Variants in RGS7 observed in about 807,000 individuals in gnomAD.
RGS7 encodes regulator of G protein signaling 7.
RGS7 carries 27 observed loss-of-function variants against 81.1 expected under a neutral mutation model. The observed-to-expected ratio is 0.33, with a 90% CI of 0.25 to 0.46. RGS7 has a LOEUF of 0.46. Among genes scored for constraint, RGS7 ranks in the 20% least tolerant of loss-of-function variants. The pLI is 1.00. For synonymous variants in RGS7, 208 were observed against 207.7 expected, an observed-to-expected ratio of 1.00 and a Z score of -0.01; for missense variants, 396 against 607.4, an observed-to-expected ratio of 0.65 and a Z score of 3.66.
intron 4 of RGS7, among the ~76,000 whole-genome samples, chr1:240,968,356 T>C (rs1572042042): frequency 6.6e-6 from 1 of 152,190 alleles, no homozygotes; most frequent in Non-Finnish European, 1.5e-5. Context: ...ACAGCAGTTA[T>C]TACCCGAAAA....
Position 241,253,371 on chromosome 1 carries a change from T to C in RGS7, c.78+102328A>G, listed in dbSNP as rs556022883. Among the ~76,000 whole-genome samples, 6 of 152,286 alleles carry C rather than the reference T, an allele frequency of 3.9e-5. No homozygotes were observed. In the South Asian group the frequency reaches 1.2e-3, roughly 32 times the overall value. ...TACTGTGGGGTTTTATTCTACGTAG[T>C]TTGCTGTAAACGTGTGCCCACTTCT... On this transcript the variant is annotated intron_variant, in intron 2 of 18. Transcript: ENST00000440928.
chr1:241,037,438 AGGCCGG>A (rs1304444323), intron 3 of RGS7, among the ~76,000 whole-genome samples: 3 of 152,174 alleles, frequency 2.0e-5, no homozygotes, highest in Non-Finnish European at 4.4e-5. Context: ...CAACAAATGG[AGGCCGG>A]GCCCAGTGGC....
chr1:240,995,768 C>G (rs1687192617), intron 3 of RGS7, among the ~76,000 whole-genome samples: 1 of 148,784 alleles, frequency 6.7e-6, no homozygotes. Flanking sequence ...AAAGAACCAG[C>G]TCTTTGTTTC....
chr1:241,057,953 T>C (rs969165080), intron 3 of RGS7, among the ~76,000 whole-genome samples: 1 of 152,170 alleles, frequency 6.6e-6, no homozygotes, highest in Non-Finnish European at 1.5e-5. Flanking sequence ...TAGTCAGGCA[T>C]GAGTAGGGGA....
intron 13 of RGS7, among the ~76,000 whole-genome samples, chr1:240,812,589 T>G (rs1690061463): frequency 1.3e-5 from 2 of 151,886 alleles, no homozygotes; most frequent in African/African-American, 4.8e-5. Flanking sequence ...CACCTGCCAC[T>G]ATGCCCGGCT....
intron 2 of RGS7, among the ~76,000 whole-genome samples, chr1:241,317,784 C>G (rs1193669508): frequency 1.3e-5 from 2 of 152,182 alleles, no homozygotes; most frequent in East Asian, 3.9e-4. Context: ...GCTTCTTGGC[C>G]ACTCATCAGT....
intron 2 of RGS7, among the ~76,000 whole-genome samples, chr1:241,333,427 C>A (rs965461500): frequency 6.6e-6 from 1 of 152,132 alleles, no homozygotes; most frequent in African/African-American, 2.4e-5. Flanking sequence ...TAAGGCCAGG[C>A]GGATAAGAAG....
chr1:240,898,229 AC>A (rs1669416273), intron 6 of RGS7, among the ~76,000 whole-genome samples: 1 of 152,110 alleles, frequency 6.6e-6, no homozygotes, highest in Non-Finnish European at 1.5e-5. Context: ...TTTTCAAAAA[AC>A]CAGCTCCTGG....
chr1:241,352,633 T>A (rs1338881990), intron 2 of RGS7, among the ~76,000 whole-genome samples: 1 of 152,200 alleles, frequency 6.6e-6, no homozygotes, highest in Non-Finnish European at 1.5e-5. Context: ...TGAAGCAACA[T>A]TACCATCACC....
At chr1:240,985,087 G>A (rs750044350) in intron 3 of RGS7, among the ~76,000 whole-genome samples, 13 of 152,174 alleles carry the variant, frequency 8.5e-5, no homozygotes, top group African/African-American at 1.9e-4. Context: ...ACCGTGTCCC[G>A]GTGTTGTGTT....
chr1:240,981,926 C>T (rs574185614), intron 4 of RGS7, among the ~76,000 whole-genome samples: 219 of 152,276 alleles, frequency 1.4e-3, no homozygotes, highest in African/African-American at 4.9e-3. Context: ...CACAGCTATG[C>T]CGAGTTCCTC....
intron 2 of RGS7, among the ~76,000 whole-genome samples, chr1:241,220,830 G>C (rs977515748): frequency 6.6e-6 from 1 of 151,854 alleles, no homozygotes. Context: ...GAGCTAAGAA[G>C]TTTGAGGCCG....
chr1:241,307,006 A>G (rs1269579231), intron 2 of RGS7, among the ~76,000 whole-genome samples: 1 of 152,242 alleles, frequency 6.6e-6, no homozygotes. Flanking sequence ...AAGTACTTGC[A>G]GGCAAATCAG....
chr1:240,866,811 T>C (rs1397388852), intron 9 of RGS7, among the ~76,000 whole-genome samples: 1 of 152,154 alleles, frequency 6.6e-6, no homozygotes, highest in African/African-American at 2.4e-5. Flanking sequence ...GTGTCATCTC[T>C]GTGAGCATGA....
chr1:241,311,149 T>C (rs1159151900), intron 2 of RGS7, among the ~76,000 whole-genome samples: 24 of 152,218 alleles, frequency 1.6e-4, no homozygotes, highest in Admixed American at 1.6e-3. Context: ...ATTAAAAGTA[T>C]TGCTACTGTT....
intron 2 of RGS7, among the ~76,000 whole-genome samples, chr1:241,107,010 C>G (rs543251130): frequency 6.6e-6 from 1 of 151,798 alleles, no homozygotes; most frequent in Non-Finnish European, 1.5e-5. Flanking sequence ...GTTGGGATTA[C>G]TTGGGTTGAC....
intron 2 of RGS7, among the ~76,000 whole-genome samples, chr1:241,217,233 G>C (rs532032669): frequency 6.6e-6 from 1 of 152,266 alleles, no homozygotes; most frequent in South Asian, 2.1e-4. Flanking sequence ...TGAGGATATA[G>C]TGAGCAGGCC....
At chr1:241,292,881 G>C (rs1325490362) in intron 2 of RGS7, among the ~76,000 whole-genome samples, 1 of 152,132 alleles carries the variant, frequency 6.6e-6, no homozygotes, top group East Asian at 1.9e-4. Flanking sequence ...AATTATTTAC[G>C]ACACAAATCA....
At chr1:241,138,471 G>A (rs1169628839) in intron 2 of RGS7, among the ~76,000 whole-genome samples, 6 of 152,082 alleles carry the variant, frequency 3.9e-5, no homozygotes, top group South Asian at 2.1e-4. Flanking sequence ...AGGGCAACAC[G>A]AATGCCACAC....
Sources: allele counts gnomAD v4.1 joint callset (sites outside exome capture counted in the v4.1 genomes callset), GRCh38; gene constraint gnomAD v4.1.1; transcripts MANE v1.5; gene names NCBI Gene and HGNC (gene_info 2026-07-23, HGNC 2026-07-21).